The following ST3GAL2 variants were observed in gnomAD, a reference collection of about 807,000 sequenced individuals.
ST3GAL2 encodes CMP-N-acetylneuraminate-beta-galactosamide-alpha-2,3-sialyltransferase 2.
ST3GAL2 carries 16 observed loss-of-function variants against 37.5 expected under a neutral mutation model. The observed-to-expected ratio is 0.43, with a 90% CI of 0.29 to 0.65. The LOEUF is 0.65. Ranked by LOEUF, ST3GAL2 falls within the 30% of genes least tolerant of loss-of-function variation. The pLI is 0.17. For synonymous variants in ST3GAL2, 238 were observed against 202.9 expected (o/e 1.17, Z -1.47); for missense variants, 383 against 487.8 (o/e 0.79, Z 2.02).
chr16:70,430,615 T>C (rs1036407788), intron 1 of ST3GAL2, among the ~76,000 whole-genome samples: 4 of 152,158 alleles, frequency 2.6e-5, no homozygotes, highest in Admixed American at 2.0e-4. Context: ...TGAGCCATGC[T>C]GGAGGCCCCA....
intron 1 of ST3GAL2, among the ~76,000 whole-genome samples, chr16:70,429,386 G>A (rs1374673732): frequency 6.6e-6 from 1 of 152,056 alleles, no homozygotes; most frequent in Non-Finnish European, 1.5e-5. Context: ...GAGGTCAGGA[G>A]ATCGAGACCA....
intron 1 of ST3GAL2, among the ~76,000 whole-genome samples, chr16:70,421,972 G>T (rs1183976132): frequency 6.6e-6 from 1 of 152,146 alleles, no homozygotes; most frequent in Non-Finnish European, 1.5e-5. Flanking sequence ...ATCTTGCTAT[G>T]CTGCCCAGGC....
chr16:70,401,594 A>G (rs574637745), intron 1 of ST3GAL2, among the ~76,000 whole-genome samples: 61 of 152,110 alleles, frequency 4.0e-4, no homozygotes, highest in Non-Finnish European at 5.7e-4. Flanking sequence ...ACCCTCTCAC[A>G]GTTCATTTCT....
intron 1 of ST3GAL2, among the ~76,000 whole-genome samples, chr16:70,420,593 T>C (rs564155931): frequency 5.3e-5 from 8 of 152,170 alleles, no homozygotes; most frequent in African/African-American, 1.9e-4. Flanking sequence ...GCCTTGGAGG[T>C]GGTTATCTCC....
rs767585795 is a variant in ST3GAL2, at chr16:70,388,481, A to G, written c.599T>C (p.Met200Thr). ...DVGSRTTHHF[M>T]YPESAKNLPA... ...CAGGTTCTTGGCACTCTCAGGGTAC[A>G]TGAAATGGTGGGTGGTTCGGCTGCC... Residue 200 changes from methionine to threonine, a missense_variant, in exon 4 of 7, where the codon ATG becomes ACG. Physicochemically the swap from Met to Thr is moderately conservative, Grantham distance 81. Around this residue, in one of 2 missense-constraint regions of ST3GAL2, gnomAD observed 160 missense variants for 248.6 expected, o/e 0.64. Transcript: ENST00000342907. 2 of 1,613,896 alleles carry G rather than the reference A, an allele frequency of 1.2e-6. No individual in the cohort carries two copies. Among genetic ancestry groups the G allele is most frequent in the Non-Finnish European group, 1.7e-6 (2 of 1,179,856 alleles).
At chr16:70,384,464 T>C (rs933196038) in intron 4 of ST3GAL2, among the ~76,000 whole-genome samples, 2 of 152,096 alleles carry the variant, frequency 1.3e-5, no homozygotes, top group African/African-American at 4.8e-5. Flanking sequence ...CCCAGCACTT[T>C]GGGAGGCCGA....
intron 4 of ST3GAL2, among the ~76,000 whole-genome samples, chr16:70,386,679 CTT>C (rs973716980): frequency 6.6e-6 from 1 of 151,798 alleles, no homozygotes; most frequent in African/African-American, 2.4e-5. Context: ...GAGTTTTGCT[CTT>C]GTTGCCCAGG....
Position 70,388,375 on chromosome 16 carries a change from C to A in ST3GAL2, c.705G>T (p.Gln235His). ...LWIASALSTG[Q>H]IRFTYAPVKS... ...GCCAGCAAGAAGCTCACAATCGGATCTGCCCCGTGGACAAGGCGCTGGCGA... is the reference window on the plus strand; with the variant it reads ...GCCAGCAAGAAGCTCACAATCGGATATGCCCCGTGGACAAGGCGCTGGCGA... The change falls in exon 4 of 7, where the codon CAG (glutamine) becomes CAT (histidine). Residue 235 changes from glutamine (Q) to histidine (H), a missense_variant. Around this residue, in one of 2 missense-constraint regions of ST3GAL2, gnomAD observed 160 missense variants for 248.6 expected, o/e 0.64. Transcript: ENST00000342907. 2.5e-6 allele frequency: 4 copies of A among 1,614,192 alleles called. No homozygotes were observed. Among genetic ancestry groups the A allele is most frequent in the Non-Finnish European group, 3.4e-6 (4 of 1,180,032 alleles).
At chr16:70,421,626 T>A (rs1056167966) in intron 1 of ST3GAL2, among the ~76,000 whole-genome samples, 1 of 152,196 alleles carries the variant, frequency 6.6e-6, no homozygotes, top group Non-Finnish European at 1.5e-5. Context: ...ATCGCCCACA[T>A]GATGGTGCTA....
chr16:70,415,378 C>T (rs184104021), intron 1 of ST3GAL2, among the ~76,000 whole-genome samples: 9 of 151,904 alleles, frequency 5.9e-5, no homozygotes, highest in Admixed American at 2.0e-4. Flanking sequence ...TACAGCCCTC[C>T]GGGCGGCACG....
chr16:70,414,597 T>C lies in ST3GAL2; in HGVS notation c.-1003-15064A>G, dbSNP rs548840160. On this transcript the variant is annotated intron_variant, in intron 1 of 6. Coordinates refer to ENST00000342907, the MANE Select transcript of ST3GAL2 (RefSeq NM_006927.4). ...GAAGTTCCACTGAAAATCGGAACAA[T>C]TGATTCAGGAGCCAAATTCTAGTCT... Among the ~76,000 whole-genome samples the C allele has an allele frequency of 2.0e-5, 3 of 152,328 alleles. No homozygotes were observed. The South Asian group carries it at 6.2e-4, about 32-fold the overall frequency.
intron 1 of ST3GAL2, among the ~76,000 whole-genome samples, chr16:70,428,313 G>A (rs2047765318): frequency 6.6e-6 from 1 of 152,236 alleles, no homozygotes; most frequent in African/African-American, 2.4e-5. Flanking sequence ...TGACAGAGCG[G>A]CAGCAGCACC....
rs1333446049 is a variant in ST3GAL2, at chr16:70,429,635, A to G, written c.-1004+9314T>C. The stretch of plus-strand genomic sequence containing the variant: ...AGTGAATCCCTGAGCAGGGCTTTAA[A>G]TTCTTTTTTTTTTTTTTTTTTTTGA... On this transcript the variant is annotated intron_variant, in intron 1 of 6. Transcript: ENST00000342907. Among the ~76,000 whole-genome samples the G allele has an allele frequency of 3.6e-5, 5 of 139,240 alleles. No homozygotes were observed. In the East Asian group the frequency reaches 1.1e-3, roughly 29 times the overall value. The allele number at this position is 139,240 out of a possible 152,430, so 91.3% of individuals were successfully genotyped here.
Position 70,408,095 on chromosome 16 carries a change from C to G in ST3GAL2, c.-1003-8562G>C, listed in dbSNP as rs139148021. On this transcript the variant is annotated intron_variant, in intron 1 of 6. Coordinates refer to ENST00000342907, the MANE Select transcript of ST3GAL2 (RefSeq NM_006927.4). ...AGCCTACTGCTCCAATGGACCGATG[C>G]TTTATGAACCTCTGAGCATTTTCGG... 1.4e-3 allele frequency among the ~76,000 whole-genome samples: 211 copies of G among 152,252 alleles called. 5 individuals are homozygous for G. Among genetic ancestry groups the G allele is most frequent in the African/African-American group, 4.6e-3 (193 of 41,542 alleles).
intron 1 of ST3GAL2, among the ~76,000 whole-genome samples, chr16:70,425,430 C>T (rs933219101): frequency 2.0e-5 from 3 of 152,106 alleles, no homozygotes; most frequent in African/African-American, 7.2e-5. Flanking sequence ...CCACTGCACT[C>T]CAGCCTGGGT....
At chr16:70,419,422 C>T (rs1407999985) in intron 1 of ST3GAL2, among the ~76,000 whole-genome samples, 1 of 152,152 alleles carries the variant, frequency 6.6e-6, no homozygotes, top group Non-Finnish European at 1.5e-5. Flanking sequence ...GACAGGGGCC[C>T]CGGCAGCAGG....
intron 5 of ST3GAL2, 88 bp downstream of exon 5, chr16:70,383,102 G>C (rs2047417527): frequency 1.3e-5 from 20 of 1,588,912 alleles, no homozygotes; most frequent in Non-Finnish European, 1.7e-5. Flanking sequence ...GTTCTGCAGG[G>C]GAAATGGAAC....
chr16:70,385,010 AAAAC>A (rs1404182500), intron 4 of ST3GAL2, among the ~76,000 whole-genome samples: 2 of 146,840 alleles, frequency 1.4e-5, no homozygotes, highest in South Asian at 2.2e-4. Flanking sequence ...CTCAGGCTCA[AAAAC>A]AAACAAACAG....
intron 4 of ST3GAL2, among the ~76,000 whole-genome samples, chr16:70,385,767 G>A (rs962736766): frequency 2.7e-5 from 4 of 145,466 alleles, no homozygotes; most frequent in East Asian, 4.1e-4. Context: ...GCAGTGGCGC[G>A]ATCTGAGCTC....
Sources: gnomAD v4.1 joint callset for allele counts (sites outside exome capture counted in the v4.1 genomes callset) on GRCh38, gnomAD v4.1.1 for gene constraint, gnomAD v4.1.1 regional missense constraint, MANE v1.5 for transcripts, NCBI Gene and HGNC (gene_info 2026-07-23, HGNC 2026-07-21) for gene names.